Variants in AGBL4 observed in about 807,000 individuals in gnomAD.
The protein encoded by AGBL4 is cytosolic carboxypeptidase 6.
A neutral mutation model predicts 66.4 loss-of-function variants in AGBL4; 58 were observed. That is an observed-to-expected ratio of 0.87 (90% CI 0.71 to 1.09). AGBL4 has a LOEUF of 1.09. Ranked by LOEUF, AGBL4 falls within the 50% of genes least tolerant of loss-of-function variation. AGBL4 has a pLI of 0.00. For synonymous variants in AGBL4, 234 were observed against 222.9 expected (o/e 1.05, Z -0.44); for missense variants, 579 against 631.0 (o/e 0.92, Z 0.88).
chr1:49,419,251 C>T (rs1235224640), intron 3 of AGBL4, among the ~76,000 whole-genome samples: 1 of 152,114 alleles, frequency 6.6e-6, no homozygotes, highest in Non-Finnish European at 1.5e-5. Flanking sequence ...ATATGCAGTG[C>T]TCTAGTTGGC....
rs562079375 is a variant in AGBL4 at position 48,955,418 on chromosome 1, A to G, written c.595-88188T>C. 4.7e-4 allele frequency among the ~76,000 whole-genome samples: 72 copies of G among 152,336 alleles called. No homozygotes were observed. In the South Asian group the frequency reaches 0.01, roughly 22 times the overall value. On this transcript the variant is annotated intron_variant, in intron 5 of 13. Transcript: ENST00000371839. ...TATGAAGGCTGAGGCCTGGCACCCA[A>G]TGAAGGATTTCCTCTCTCTCCTCCT... is the stretch of plus-strand genomic sequence containing the variant.
chr1:48,944,111 C>T (rs1018004419), intron 5 of AGBL4, among the ~76,000 whole-genome samples: 2 of 152,136 alleles, frequency 1.3e-5, no homozygotes. Flanking sequence ...TCATTGAGCT[C>T]ATGATATGGC....
intron 5 of AGBL4, among the ~76,000 whole-genome samples, chr1:48,941,991 G>A (rs1034499217): frequency 6.6e-6 from 1 of 152,132 alleles, no homozygotes; most frequent in Non-Finnish European, 1.5e-5. Context: ...TCTCTTGCCC[G>A]TGCAAACCAT....
intron 6 of AGBL4, among the ~76,000 whole-genome samples, chr1:48,850,496 T>C (rs981789014): frequency 6.6e-6 from 1 of 152,168 alleles, no homozygotes; most frequent in African/African-American, 2.4e-5. Flanking sequence ...CTGCAGTAAA[T>C]GGCTCATTTG....
At chr1:48,803,462 G>C (rs1457226650) in intron 6 of AGBL4, among the ~76,000 whole-genome samples, 2 of 152,216 alleles carry the variant, frequency 1.3e-5, no homozygotes, top group East Asian at 3.8e-4. Flanking sequence ...TGGCATCAAA[G>C]GAGGAAAGCT....
At chr1:49,480,776 C>T (rs1570821997) in intron 3 of AGBL4, among the ~76,000 whole-genome samples, 1 of 152,052 alleles carries the variant, frequency 6.6e-6, no homozygotes, top group Non-Finnish European at 1.5e-5. Flanking sequence ...CTGGGTTTTA[C>T]ATTTACGTCT....
chr1:49,964,776 G>A lies in AGBL4; in HGVS notation c.34+58987C>T, dbSNP rs185296055. Reference sequence around the variant, plus strand: ...TTGATTAAAGTCCAGGAAAAAAAATGTTTCTAGAAAAAAGTCCAAACATTC... The same window carrying A: ...TTGATTAAAGTCCAGGAAAAAAAATATTTCTAGAAAAAAGTCCAAACATTC... On this transcript the variant is annotated intron_variant, in intron 1 of 13. Transcript: ENST00000371839. 3.2e-3 allele frequency among the ~76,000 whole-genome samples: 483 copies of A among 152,094 alleles called. 1 individual carries two copies. Among genetic ancestry groups the A allele is most frequent in the Middle Eastern group, 6.8e-3 (2 of 294 alleles).
chr1:49,270,278 T>G (rs1368565805), intron 3 of AGBL4, among the ~76,000 whole-genome samples: 1 of 152,200 alleles, frequency 6.6e-6, no homozygotes, highest in Non-Finnish European at 1.5e-5. Context: ...TCTCATCTTG[T>G]TTTATGTCCT....
chr1:49,709,484 A>T (rs1314527070), intron 2 of AGBL4, among the ~76,000 whole-genome samples: 1 of 152,230 alleles, frequency 6.6e-6, no homozygotes, highest in Non-Finnish European at 1.5e-5. Flanking sequence ...GAATCTAGGA[A>T]ATACCATTCA....
At chr1:49,399,272 T>A (rs1224982210) in intron 3 of AGBL4, among the ~76,000 whole-genome samples, 1 of 152,172 alleles carries the variant, frequency 6.6e-6, no homozygotes, top group Non-Finnish European at 1.5e-5. Context: ...TGCTTCCAAA[T>A]CTTAGCTATT....
rs117934239 is a variant in AGBL4, at chr1:49,980,944, G to A, written c.34+42819C>T. 1.3e-3 allele frequency among the ~76,000 whole-genome samples: 195 copies of A among 152,152 alleles called. 7 individuals carry two copies. The East Asian group carries it at 0.033, about 26-fold the overall frequency. On this transcript the variant is annotated intron_variant, in intron 1 of 13. Transcript: ENST00000371839. ...ACTTCTGCTAGTACCAATTTATATT[G>A]TTTTCTAAGAGTTCACTTTTATCTG...
intron 11 of AGBL4, among the ~76,000 whole-genome samples, chr1:48,540,736 G>A (rs566504286): frequency 6.6e-6 from 1 of 152,148 alleles, no homozygotes; most frequent in East Asian, 1.9e-4. Flanking sequence ...GAACATCCAA[G>A]CTGTCACTAA....
chr1:49,915,063 A>G (rs2148220113), intron 1 of AGBL4, among the ~76,000 whole-genome samples: 1 of 152,336 alleles, frequency 6.6e-6, no homozygotes, highest in East Asian at 1.9e-4. Flanking sequence ...AAGATAATTA[A>G]AAGAGGCTAC....
intron 5 of AGBL4, among the ~76,000 whole-genome samples, chr1:48,922,727 T>C (rs758003382): frequency 1.3e-4 from 20 of 152,232 alleles, no homozygotes; most frequent in Non-Finnish European, 2.8e-4. Context: ...TACTGTAATG[T>C]ACTTGAGAAC....
At chr1:49,064,530 G>A (rs1336092967) in intron 4 of AGBL4, among the ~76,000 whole-genome samples, 15 of 152,084 alleles carry the variant, frequency 9.9e-5, no homozygotes, top group Non-Finnish European at 2.9e-5. Flanking sequence ...CTCACCCTCA[G>A]GTCTAGGTCT....
At chr1:49,408,373 A>G (rs1645247466) in intron 3 of AGBL4, among the ~76,000 whole-genome samples, 2 of 152,194 alleles carry the variant, frequency 1.3e-5, no homozygotes. Flanking sequence ...ATTTATATCC[A>G]TGTCTTCACT....
At chr1:49,560,857 G>C (rs1242198770) in intron 3 of AGBL4, among the ~76,000 whole-genome samples, 1 of 152,022 alleles carries the variant, frequency 6.6e-6, no homozygotes, top group Non-Finnish European at 1.5e-5. Context: ...AGTATATCTG[G>C]TGAAAATGTC....
chr1:48,861,594 T>C (rs531788013), intron 6 of AGBL4, among the ~76,000 whole-genome samples: 44 of 152,244 alleles, frequency 2.9e-4, no homozygotes, highest in Non-Finnish European at 5.0e-4. Flanking sequence ...AATGAAAAAA[T>C]AGGCATACTT....
chr1:49,836,471 TC>T (rs908587032), intron 2 of AGBL4, among the ~76,000 whole-genome samples: 2 of 152,206 alleles, frequency 1.3e-5, no homozygotes, highest in Non-Finnish European at 2.9e-5. Flanking sequence ...ACTTAGCAAT[TC>T]CTCTGTCCTT....
Sources: gnomAD v4.1 joint callset for allele counts (sites outside exome capture counted in the v4.1 genomes callset) on GRCh38, gnomAD v4.1.1 for gene constraint, MANE v1.5 for transcripts, NCBI Gene and HGNC (gene_info 2026-07-23, HGNC 2026-07-21) for gene names.